Variants in TMTC2 observed in about 807,000 individuals in gnomAD.
TMTC2 encodes the protein protein O-mannosyl-transferase TMTC2.
Under a neutral mutation model 82.4 loss-of-function variants are expected in TMTC2, and 43 were observed. That is an observed-to-expected ratio of 0.52 (90% CI 0.41 to 0.67). TMTC2 has a LOEUF of 0.67. Ranked by LOEUF, TMTC2 falls within the 30% of genes least tolerant of loss-of-function variation. The probability of loss-of-function intolerance (pLI) is 0.00; values close to 1 mark genes in which losing one functional copy is unlikely to be tolerated. For synonymous variants in TMTC2, 408 were observed against 381.9 expected (o/e 1.07, Z -0.80); for missense variants, 919 against 1,012.4 (o/e 0.91, Z 1.25).
At chr12:82,848,051 A>G (rs1870785924) in intron 1 of TMTC2, among the ~76,000 whole-genome samples, 1 of 152,166 alleles carries the variant, frequency 6.6e-6, no homozygotes, top group African/African-American at 2.4e-5. Flanking sequence ...AGGAGTTAGC[A>G]ATATATTGGG....
At chr12:82,689,683 G>T (rs1312838428) in intron 1 of TMTC2, among the ~76,000 whole-genome samples, 1 of 152,196 alleles carries the variant, frequency 6.6e-6, no homozygotes, top group East Asian at 1.9e-4. Flanking sequence ...GAAGAATGGT[G>T]TGAGTGTGAT....
intron 1 of TMTC2, among the ~76,000 whole-genome samples, chr12:82,810,402 T>C (rs1387372536): frequency 2.0e-5 from 3 of 149,940 alleles, no homozygotes. Flanking sequence ...ACAGAATTAT[T>C]TTTATTTTTT....
rs544168894 is a variant in TMTC2 at position 82,769,807 on chromosome 12, C to T, written c.83+82138C>T. ...TGTATTTTTAGTAGGGTCAGAGTTT[C>T]GCCATGTTTGCCAGGCTGGTCTTGA... On this transcript the variant is annotated intron_variant, in intron 1 of 11. Coordinates refer to ENST00000321196, the MANE Select transcript of TMTC2 (RefSeq NM_152588.3). 5.3e-5 allele frequency among the ~76,000 whole-genome samples: 8 copies of T among 152,136 alleles called. No individual in the cohort carries two copies. The East Asian group carries it at 1.2e-3, about 22-fold the overall frequency.
At chr12:83,060,604 A>C (rs1035292346) in intron 10 of TMTC2, among the ~76,000 whole-genome samples, 2 of 151,678 alleles carry the variant, frequency 1.3e-5, no homozygotes, top group Admixed American at 6.6e-5. Context: ...TATATACATC[A>C]TCTGAAATTG....
intron 9 of TMTC2, among the ~76,000 whole-genome samples, chr12:83,037,504 T>C (rs1350332234): frequency 2.0e-5 from 3 of 152,208 alleles, no homozygotes; most frequent in Non-Finnish European, 2.9e-5. Flanking sequence ...GACCAAACCA[T>C]GTTTTTTAAA....
At chr12:82,915,684 A>G (rs765532955) in intron 3 of TMTC2, among the ~76,000 whole-genome samples, 25 of 152,338 alleles carry the variant, frequency 1.6e-4, no homozygotes, top group Non-Finnish European at 2.8e-4. Context: ...GTAATTCTGT[A>G]CAAGTCGTCT....
intron 1 of TMTC2, among the ~76,000 whole-genome samples, chr12:82,817,113 G>A (rs988234791): frequency 4.6e-5 from 7 of 151,430 alleles, no homozygotes; most frequent in South Asian, 2.1e-4. Context: ...GATTATAGGC[G>A]CCCGCCACCA....
At chr12:82,739,129 C>T (rs1179708304) in intron 1 of TMTC2, among the ~76,000 whole-genome samples, 3 of 134,504 alleles carry the variant, frequency 2.2e-5, no homozygotes, top group Non-Finnish European at 4.7e-5. Flanking sequence ...GCCTGGGCGA[C>T]AGAGTGAGAC....
At chr12:82,816,656 A>G (rs1868751390) in intron 1 of TMTC2, among the ~76,000 whole-genome samples, 1 of 152,136 alleles carries the variant, frequency 6.6e-6, no homozygotes, top group South Asian at 2.1e-4. Flanking sequence ...TGCTGTTTTT[A>G]CATCAAATAA....
intron 1 of TMTC2, among the ~76,000 whole-genome samples, chr12:82,841,696 A>ATG (rs1457236675): frequency 2.0e-5 from 3 of 152,126 alleles, no homozygotes; most frequent in South Asian, 2.1e-4. Context: ...TCTCAGATGT[A>ATG]TGTGTGTGTG....
intron 1 of TMTC2, among the ~76,000 whole-genome samples, chr12:82,813,551 A>C (rs978494259): frequency 1.3e-5 from 2 of 152,016 alleles, no homozygotes; most frequent in Non-Finnish European, 2.9e-5. Flanking sequence ...TGACATTTAA[A>C]ATATGGTCCT....
intron 1 of TMTC2, among the ~76,000 whole-genome samples, chr12:82,820,074 G>A (rs901229533): frequency 2.6e-4 from 40 of 152,106 alleles, no homozygotes; most frequent in African/African-American, 9.4e-4. Flanking sequence ...GATGTTCTAC[G>A]GCAGGAAGCA....
At chr12:82,757,142 T>G (rs1194994705) in intron 1 of TMTC2, among the ~76,000 whole-genome samples, 10 of 152,218 alleles carry the variant, frequency 6.6e-5, no homozygotes, top group Non-Finnish European at 1.0e-4. Context: ...TGGATCCTGT[T>G]TTTGACTTAG....
At chr12:83,067,774 ATTAC>A (rs1300655301) in intron 11 of TMTC2, among the ~76,000 whole-genome samples, 1 of 152,014 alleles carries the variant, frequency 6.6e-6, no homozygotes, top group Non-Finnish European at 1.5e-5. Flanking sequence ...TCACTGGTAG[ATTAC>A]TTCTAGTTTG....
At chr12:82,801,559 T>C (rs1879001295) in intron 1 of TMTC2, among the ~76,000 whole-genome samples, 1 of 152,118 alleles carries the variant, frequency 6.6e-6, no homozygotes. Context: ...GATTGGTCCG[T>C]TTTGACAGAT....
At chr12:82,965,480 C>T (rs1342771089) in intron 5 of TMTC2, 80 bp from the exon 6 acceptor site, 1 of 1,501,862 alleles carries the variant, frequency 6.7e-7, no homozygotes, top group Non-Finnish European at 9.1e-7. Flanking sequence ...CCATAGAAAC[C>T]AAATTGAAAC....
intron 8 of TMTC2, among the ~76,000 whole-genome samples, chr12:83,011,957 G>C (rs906509039): frequency 1.3e-5 from 2 of 152,104 alleles, no homozygotes; most frequent in Non-Finnish European, 2.9e-5. Context: ...AATGAATGCA[G>C]GTGAAATGAT....
At chr12:82,927,817 T>A (rs771348736) in intron 3 of TMTC2, among the ~76,000 whole-genome samples, 1 of 152,212 alleles carries the variant, frequency 6.6e-6, no homozygotes, top group African/African-American at 2.4e-5. Flanking sequence ...GTTAGCATTT[T>A]TTAGCAACAA....
At chr12:82,749,811 C>T (rs1875886777) in intron 1 of TMTC2, among the ~76,000 whole-genome samples, 1 of 145,250 alleles carries the variant, frequency 6.9e-6, no homozygotes, top group Admixed American at 7.2e-5. Flanking sequence ...CATCTCAGCT[C>T]ACTGCAACCT....
Sources: allele counts gnomAD v4.1 joint callset (sites outside exome capture counted in the v4.1 genomes callset), GRCh38; gene constraint gnomAD v4.1.1; transcripts MANE v1.5; gene names NCBI Gene and HGNC (gene_info 2026-07-23, HGNC 2026-07-21).